The following MAP2 variants were observed in gnomAD, a reference collection of about 807,000 sequenced individuals.
The protein encoded by MAP2 is microtubule-associated protein 2.
MAP2 carries 14 observed loss-of-function variants against 137.6 expected under a neutral mutation model. The ratio of observed to expected loss-of-function variants is 0.10; its 90% CI spans 0.07 to 0.16. MAP2 has a LOEUF of 0.16. Ranked by LOEUF, MAP2 falls within the 10% of genes least tolerant of loss-of-function variation. MAP2 has a pLI of 1.00. For missense variants in MAP2, 2,088 were observed against 2,191.5 expected (o/e 0.95, Z 0.94); for synonymous variants, 786 against 782.3 (o/e 1.00, Z -0.08).
intron 2 of MAP2, among the ~76,000 whole-genome samples, chr2:209,555,245 T>A (rs1249859968): frequency 6.6e-6 from 1 of 152,200 alleles, no homozygotes; most frequent in African/African-American, 2.4e-5. Context: ...CTATGGAGGT[T>A]TATTTGGTAG....
At chr2:209,457,539 G>C (rs1286812639) in intron 1 of MAP2, among the ~76,000 whole-genome samples, 1 of 152,152 alleles carries the variant, frequency 6.6e-6, no homozygotes, top group Non-Finnish European at 1.5e-5. Flanking sequence ...ATATTCAACC[G>C]GTGGTCATAT....
intron 3 of MAP2, among the ~76,000 whole-genome samples, chr2:209,619,974 A>G (rs189372937): frequency 6.6e-6 from 1 of 152,142 alleles, no homozygotes; most frequent in African/African-American, 2.4e-5. Context: ...AGCCCTCCAG[A>G]TGTCTTCTTT....
At chr2:209,715,252 G>A (rs1584400720) in intron 13 of MAP2, among the ~76,000 whole-genome samples, 1 of 151,962 alleles carries the variant, frequency 6.6e-6, no homozygotes, top group African/African-American at 2.4e-5. Flanking sequence ...ATAATATAAA[G>A]AATCAATTAT....
chr2:209,573,749 G>A (rs2074835556), intron 2 of MAP2, among the ~76,000 whole-genome samples: 1 of 152,082 alleles, frequency 6.6e-6, no homozygotes, highest in South Asian at 2.1e-4. Flanking sequence ...CATTACCCCA[G>A]AAAGAAGGCC....
intron 2 of MAP2, among the ~76,000 whole-genome samples, chr2:209,560,492 T>C (rs1292731348): frequency 1.3e-5 from 2 of 151,878 alleles, no homozygotes; most frequent in Admixed American, 6.6e-5. Flanking sequence ...TTTTTTTTTT[T>C]TTTTTGAGAT....
At chr2:209,673,961 T>C (rs1484701710) in intron 5 of MAP2, among the ~76,000 whole-genome samples, 2 of 151,838 alleles carry the variant, frequency 1.3e-5, no homozygotes, top group African/African-American at 4.8e-5. Flanking sequence ...TAGAGCCCTG[T>C]CTAGAATAGA....
rs1216729279 is a variant in MAP2, at chr2:209,653,319, A to G, written c.149A>G (p.Tyr50Cys). The G allele has an allele frequency of 1.2e-6, 2 of 1,614,172 alleles. No homozygotes were observed. The highest frequency in any genetic ancestry group is 1.1e-5 in the South Asian group (1 of 91,072). The change falls in exon 5 of 16, where the codon TAC (tyrosine) becomes TGC (cysteine). Residue 50 changes from tyrosine to cysteine, a missense_variant. Coordinates refer to ENST00000682079, the MANE Select transcript of MAP2 (RefSeq NM_001375505.1). ...GTCCGAAGCGCCAATGGATTCCCAT[A>G]CAGGGAGGATGAAGAGGGTGCCTTT... is the stretch of plus-strand genomic sequence containing the variant. ...GLVRSANGFP[Y>C]REDEEGAFGE...
At chr2:209,564,928 T>G (rs2073072046) in intron 2 of MAP2, among the ~76,000 whole-genome samples, 1 of 152,156 alleles carries the variant, frequency 6.6e-6, no homozygotes, top group Non-Finnish European at 1.5e-5. Context: ...AGTTTAGAGT[T>G]TCTAACAGCT....
At position 209,710,103 on chromosome 2, in the gene MAP2, A is replaced by T; in HGVS notation, c.4922A>T (p.Glu1641Val). 2.5e-6 allele frequency: 4 copies of T among 1,613,968 alleles called. No individual in the cohort carries two copies. The highest frequency in any genetic ancestry group is 3.4e-6 in the Non-Finnish European group (4 of 1,179,988). ...TPKSAILVPS[E>V]KKVAIIRTPP... ...AAGTCTGCCATCTTGGTGCCGAGTG[A>T]GAAGAAGGTCGCCATCATACGTACT... The change falls in exon 13 of 16, where the codon GAG becomes GTG. Residue 1641 changes from glutamate to valine, a missense_variant. Glu to Val is a moderately radical substitution (Grantham distance 121). Around this residue, in one of 6 missense-constraint regions of MAP2, gnomAD observed 591 missense variants for 642.6 expected, o/e 0.92. Transcript: ENST00000682079.
chr2:209,713,078 G>A (rs752423509), intron 13 of MAP2, among the ~76,000 whole-genome samples: 117 of 152,150 alleles, frequency 7.7e-4, no homozygotes, highest in Non-Finnish European at 1.6e-3. Context: ...TAAAGAAGAT[G>A]GGAGTAAAAT....
At chr2:209,669,195 A>C (rs1179449430) in intron 5 of MAP2, among the ~76,000 whole-genome samples, 5 of 152,118 alleles carry the variant, frequency 3.3e-5, no homozygotes, top group Non-Finnish European at 7.4e-5. Context: ...GATTGCTGCT[A>C]TTTGCGAATT....
chr2:209,589,130 G>A (rs2078552046), intron 3 of MAP2, among the ~76,000 whole-genome samples: 1 of 151,982 alleles, frequency 6.6e-6, no homozygotes, highest in Non-Finnish European at 1.5e-5. Flanking sequence ...TTAGAATAAT[G>A]CAACCAGTTA....
At chr2:209,546,987 G>T (rs907098065) in intron 2 of MAP2, among the ~76,000 whole-genome samples, 3 of 151,918 alleles carry the variant, frequency 2.0e-5, no homozygotes, top group Admixed American at 6.6e-5. Context: ...ATAAATAGAA[G>T]AAATTTTTAA....
chr2:209,456,278 A>T (rs776118150), intron 1 of MAP2, among the ~76,000 whole-genome samples: 4 of 152,184 alleles, frequency 2.6e-5, no homozygotes, highest in Admixed American at 6.5e-5. Flanking sequence ...TTCTGCTTAT[A>T]GTATTAAAAA....
At chr2:209,466,878 A>C (rs1704259245) in intron 1 of MAP2, among the ~76,000 whole-genome samples, 1 of 152,164 alleles carries the variant, frequency 6.6e-6, no homozygotes, top group South Asian at 2.1e-4. Flanking sequence ...AGAGGGACTG[A>C]AGACTTGAAT....
At chr2:209,730,112 G>A (rs533779423) in intron 15 of MAP2, 70 bp from the exon 16 acceptor site, 185 of 1,315,524 alleles carry the variant, frequency 1.4e-4, no homozygotes, top group Non-Finnish European at 1.9e-4. Context: ...TCAGCCCTGG[G>A]AGATGGAGAA....
chr2:209,499,567 T>C (rs1160666000), intron 1 of MAP2, among the ~76,000 whole-genome samples: 1 of 152,158 alleles, frequency 6.6e-6, no homozygotes, highest in Non-Finnish European at 1.5e-5. Context: ...TGTTCTTACA[T>C]TGCTATAAAG....
intron 4 of MAP2, among the ~76,000 whole-genome samples, chr2:209,643,402 A>G (rs904586757): frequency 1.3e-5 from 2 of 152,126 alleles, no homozygotes; most frequent in African/African-American, 4.8e-5. Flanking sequence ...TCTTAATGAT[A>G]TTTTCAGCAC....
At chr2:209,606,131 A>G (rs545738031) in intron 3 of MAP2, among the ~76,000 whole-genome samples, 1 of 152,236 alleles carries the variant, frequency 6.6e-6, no homozygotes, top group Admixed American at 6.5e-5. Flanking sequence ...CCTCACTCAA[A>G]ATCGTATATC....
Sources: allele counts gnomAD v4.1 joint callset (sites outside exome capture counted in the v4.1 genomes callset), GRCh38; gene constraint gnomAD v4.1.1; regional missense constraint gnomAD v4.1.1; transcripts MANE v1.5; gene names NCBI Gene and HGNC (gene_info 2026-07-23, HGNC 2026-07-21).